USP31: variants seen among roughly 807,000 people sequenced by gnomAD.
USP31 encodes ubiquitin carboxyl-terminal hydrolase 31.
USP31 carries 44 observed loss-of-function variants against 119.4 expected under a neutral mutation model. The observed-to-expected ratio is 0.37, with a 90% CI of 0.29 to 0.47. The LOEUF (loss-of-function observed/expected upper bound fraction) is 0.47, where lower values mean the gene tolerates loss of function less well. Among genes scored for constraint, USP31 ranks in the 20% least tolerant of loss-of-function variants. The pLI is 0.99. For synonymous variants in USP31, 749 were observed against 705.6 expected (o/e 1.06, Z -0.97); for missense variants, 1,643 against 1,730.2 (o/e 0.95, Z 0.89).
rs1209087635 is a variant in USP31, at chr16:23,108,189, C to T, written c.634-6G>A. The T allele has an allele frequency of 6.3e-7, 1 of 1,599,916 alleles. No individual in the cohort carries two copies. ...GCATTCTTTGACACAATAGTCTATG[C>T]AGGTAAATAAATCACCATGAACAGC... On this transcript the variant is annotated splice_region_variant and splice_polypyrimidine_tract_variant and intron_variant, in intron 1 of 15. Transcript: ENST00000219689.
chr16:23,147,372 G>C (rs1036070042), intron 1 of USP31, among the ~76,000 whole-genome samples: 1 of 151,618 alleles, frequency 6.6e-6, no homozygotes, highest in African/African-American at 2.4e-5. Flanking sequence ...GCCTCCCAAA[G>C]TGCTAGGATT....
intron 6 of USP31, among the ~76,000 whole-genome samples, chr16:23,097,026 C>A (rs1901642799): frequency 6.6e-6 from 1 of 151,936 alleles, no homozygotes. Context: ...ACACAAAAAA[C>A]CCTTCAAAAA....
At chr16:23,143,844 A>C (rs2141905908) in intron 1 of USP31, among the ~76,000 whole-genome samples, 1 of 152,240 alleles carries the variant, frequency 6.6e-6, no homozygotes, top group Non-Finnish European at 1.5e-5. Flanking sequence ...TGTGACAACC[A>C]AGTAGGGTTC....
chr16:23,078,122 G>A (rs1030796318), intron 13 of USP31, among the ~76,000 whole-genome samples: 2 of 151,942 alleles, frequency 1.3e-5, no homozygotes, highest in Admixed American at 6.6e-5. Flanking sequence ...GACCATCCTG[G>A]CCAACATGGT....
intron 11 of USP31, 108 bp downstream of exon 11, chr16:23,084,752 A>G (rs1283490996): frequency 3.4e-6 from 5 of 1,485,324 alleles, no homozygotes; most frequent in Non-Finnish European, 3.6e-6. Context: ...ACATATATGC[A>G]AAATCCTGCG....
intron 5 of USP31, among the ~76,000 whole-genome samples, chr16:23,104,865 A>G (rs1240887187): frequency 1.3e-5 from 2 of 152,226 alleles, no homozygotes; most frequent in African/African-American, 2.4e-5. Context: ...TTTTTGGTCA[A>G]TTTCAACATA....
intron 1 of USP31, among the ~76,000 whole-genome samples, chr16:23,113,588 T>C (rs540205937): frequency 5.3e-5 from 8 of 151,660 alleles, no homozygotes; most frequent in Non-Finnish European, 1.0e-4. Flanking sequence ...AATTAAGAGG[T>C]TGCTTGCTCA....
chr16:23,105,408 C>G, intron 5 of USP31, 33 bp downstream of exon 5: 1 of 1,532,818 alleles, frequency 6.5e-7, no homozygotes. Flanking sequence ...ACTTTTGTGG[C>G]TCATGTGTAA....
intron 1 of USP31, among the ~76,000 whole-genome samples, chr16:23,132,215 A>G (rs1024802173): frequency 1.3e-5 from 2 of 152,254 alleles, no homozygotes; most frequent in African/African-American, 2.4e-5. Context: ...AGGAACAGCC[A>G]ATGAACAATT....
At chr16:23,106,376 G>C in intron 3 of USP31, 23 bp downstream of exon 3, 2 of 1,613,350 alleles carry the variant, frequency 1.2e-6, no homozygotes, top group Non-Finnish European at 1.7e-6. Context: ...CAAAATAAGT[G>C]GAAACATCCG....
At chr16:23,078,386 C>T (rs936800063) in intron 13 of USP31, among the ~76,000 whole-genome samples, 14 of 151,568 alleles carry the variant, frequency 9.2e-5, no homozygotes, top group Non-Finnish European at 1.5e-4. Flanking sequence ...CAATACTAGG[C>T]GTGAAGATGA....
chr16:23,107,226 T>C (rs192412313), intron 2 of USP31, among the ~76,000 whole-genome samples: 17 of 152,322 alleles, frequency 1.1e-4, no homozygotes, highest in African/African-American at 3.1e-4. Flanking sequence ...ATTTAACTTT[T>C]CATGTCCCTC....
At chr16:23,146,592 C>A (rs1357663272) in intron 1 of USP31, among the ~76,000 whole-genome samples, 1 of 152,040 alleles carries the variant, frequency 6.6e-6, no homozygotes, top group East Asian at 1.9e-4. Context: ...CAGTCCCTAT[C>A]TCAGTCAAGT....
chr16:23,074,436 AAATAT>A (rs1900475746), intron 13 of USP31, among the ~76,000 whole-genome samples: 1 of 152,254 alleles, frequency 6.6e-6, no homozygotes, highest in South Asian at 2.1e-4. Context: ...GATAGCAGAT[AAATAT>A]AATATGTAAC....
chr16:23,137,841 AGAATAAGTAAATTATCACTTAGCAAAG>A, intron 1 of USP31, among the ~76,000 whole-genome samples: 1 of 152,134 alleles, frequency 6.6e-6, no homozygotes, highest in Admixed American at 6.5e-5. Context: ...GGAAGAGGAC[AGAATAAGTAAATTATCACTTAGCAAAG>A]TGATATCATA....
intron 1 of USP31, among the ~76,000 whole-genome samples, chr16:23,132,600 T>C (rs1028979880): frequency 2.0e-5 from 3 of 152,232 alleles, no homozygotes; most frequent in Non-Finnish European, 2.9e-5. Flanking sequence ...TTACAGCTGT[T>C]ATCTTGATTT....
chr16:23,103,049 G>A (rs1025238219), intron 5 of USP31, among the ~76,000 whole-genome samples: 1 of 152,180 alleles, frequency 6.6e-6, no homozygotes, highest in African/African-American at 2.4e-5. Flanking sequence ...GACACTGAGG[G>A]ACACCTGTAC....
rs925388259 is a variant in USP31, at chr16:23,079,981, T to C, written c.2141A>G (p.Asn714Ser). 3 of 1,613,836 alleles carry C rather than the reference T, an allele frequency of 1.9e-6. No homozygotes were observed. Among genetic ancestry groups the C allele is most frequent in the Non-Finnish European group, 2.5e-6 (3 of 1,179,930 alleles). ...DYIYDLYAVC[N>S]HHGTMQGGHY... ...CCCCCCTTGCATGGTGCCATGGTGATTGCACACAGCATACAGGTCATAGAT... is the reference window on the plus strand; with the variant it reads ...CCCCCCTTGCATGGTGCCATGGTGACTGCACACAGCATACAGGTCATAGAT... The change falls in exon 13 of 16, where the codon AAT (asparagine) becomes AGT (serine). Residue 714 changes from asparagine (N) to serine (S), a missense_variant. This residue lies in a region of USP31 where 279 missense variants were observed against 372.2 expected (regional missense o/e 0.75). Coordinates refer to ENST00000219689, the MANE Select transcript of USP31 (RefSeq NM_020718.4).
intron 14 of USP31, chr16:23,072,408 G>C (rs760763133): frequency 3.1e-6 from 2 of 642,346 alleles, no homozygotes; most frequent in Non-Finnish European, 5.4e-6. Flanking sequence ...ACTTCCTGAC[G>C]CATGAAATTT....
Sources: allele counts gnomAD v4.1 joint callset (sites outside exome capture counted in the v4.1 genomes callset), GRCh38; gene constraint gnomAD v4.1.1; regional missense constraint gnomAD v4.1.1; transcripts MANE v1.5; gene names NCBI Gene and HGNC (gene_info 2026-07-23, HGNC 2026-07-21).